The following CNTN5 variants were observed in gnomAD, a reference collection of about 807,000 sequenced individuals.
The protein encoded by CNTN5 is contactin-5.
CNTN5 carries 77 observed loss-of-function variants against 129.1 expected under a neutral mutation model. That is an observed-to-expected ratio of 0.60 (90% CI 0.50 to 0.72). CNTN5 has a LOEUF of 0.72. Among genes scored for constraint, CNTN5 ranks in the 30% least tolerant of loss-of-function variants. The pLI is 0.00. For missense variants in CNTN5, 1,478 were observed against 1,328.8 expected, an observed-to-expected ratio of 1.11 and a Z score of -1.75; for synonymous variants, 509 against 465.6, an observed-to-expected ratio of 1.09 and a Z score of -1.20.
At chr11:99,280,725 A>G (rs916628946) in intron 1 of CNTN5, among the ~76,000 whole-genome samples, 4 of 151,872 alleles carry the variant, frequency 2.6e-5, no homozygotes, top group African/African-American at 7.2e-5. Flanking sequence ...GACTTTTCAT[A>G]TATATGAACC....
intron 2 of CNTN5, among the ~76,000 whole-genome samples, chr11:99,539,545 T>C (rs1948021497): frequency 6.6e-6 from 1 of 152,080 alleles, no homozygotes; most frequent in East Asian, 1.9e-4. Flanking sequence ...TTTTCATTTA[T>C]TTCATGTAAG....
chr11:100,087,647 A>G (rs1464821507), intron 13 of CNTN5, among the ~76,000 whole-genome samples: 1 of 152,002 alleles, frequency 6.6e-6, no homozygotes, highest in Admixed American at 6.6e-5. Context: ...ATACTTCTAG[A>G]CCTGCAAAAA....
chr11:99,228,818 CTCTT>C (rs910458640), intron 1 of CNTN5, among the ~76,000 whole-genome samples: 46 of 152,032 alleles, frequency 3.0e-4, no homozygotes, highest in African/African-American at 7.0e-4. Flanking sequence ...TATACATTAA[CTCTT>C]TCTCACATTT....
At chr11:99,233,215 A>T (rs1014073611) in intron 1 of CNTN5, among the ~76,000 whole-genome samples, 13 of 152,180 alleles carry the variant, frequency 8.5e-5, no homozygotes, top group African/African-American at 3.1e-4. Context: ...AGACTTCTCA[A>T]ACCCAGATAA....
intron 3 of CNTN5, among the ~76,000 whole-genome samples, chr11:99,658,087 C>G (rs1454534732): frequency 6.6e-6 from 1 of 152,036 alleles, no homozygotes; most frequent in Non-Finnish European, 1.5e-5. Flanking sequence ...TAGGATGTAG[C>G]TGTGAACAAA....
chr11:99,087,294 G>A (rs1866042913), intron 1 of CNTN5, among the ~76,000 whole-genome samples: 1 of 152,026 alleles, frequency 6.6e-6, no homozygotes, highest in Non-Finnish European at 1.5e-5. Context: ...TTCAACCTCA[G>A]GTAGCACATG....
chr11:99,223,661 C>G (rs931145536), intron 1 of CNTN5, among the ~76,000 whole-genome samples: 2 of 152,154 alleles, frequency 1.3e-5, no homozygotes, highest in East Asian at 1.9e-4. Flanking sequence ...TTGAGAGGCT[C>G]TAATTACATA....
chr11:99,751,063 G>A (rs1794436034), intron 3 of CNTN5, among the ~76,000 whole-genome samples: 1 of 152,210 alleles, frequency 6.6e-6, no homozygotes, highest in Non-Finnish European at 1.5e-5. Flanking sequence ...ACTTAAGGGT[G>A]CAGTGGCTCA....
At chr11:100,336,790 T>C (rs1257656008) in intron 21 of CNTN5, 1 of 341,296 alleles carries the variant, frequency 2.9e-6, no homozygotes, top group African/African-American at 2.1e-5. Flanking sequence ...CTCCGGATTC[T>C]GAGGTGTTCT....
chr11:99,771,046 A>G (rs1944928214), intron 3 of CNTN5, among the ~76,000 whole-genome samples: 1 of 152,130 alleles, frequency 6.6e-6, no homozygotes, highest in South Asian at 2.1e-4. Flanking sequence ...GAATGGAGAA[A>G]GGATAAACTC....
intron 13 of CNTN5, among the ~76,000 whole-genome samples, chr11:100,162,378 T>C (rs1947485649): frequency 6.6e-6 from 1 of 151,948 alleles, no homozygotes; most frequent in African/African-American, 2.4e-5. Flanking sequence ...CAATGTTTTG[T>C]TAGCCTAATA....
intron 9 of CNTN5, among the ~76,000 whole-genome samples, chr11:100,008,388 C>T (rs920911438): frequency 1.1e-4 from 16 of 151,984 alleles, no homozygotes; most frequent in African/African-American, 3.9e-4. Flanking sequence ...AAAAATAATT[C>T]ACTTATTAAT....
Position 99,889,241 on chromosome 11 carries a change from A to G in CNTN5, c.578-26813A>G, listed in dbSNP as rs1029047290. Among the ~76,000 whole-genome samples the G allele has an allele frequency of 3.3e-5, 5 of 151,422 alleles. No individual in the cohort carries two copies. In the East Asian group the frequency reaches 7.8e-4, roughly 24 times the overall value. ...CATTTCCTAAAATAAGAAAGACTGGATGTTGTCAGCATGGGCTTATGTCAC... is the reference window on the plus strand; with the variant it reads ...CATTTCCTAAAATAAGAAAGACTGGGTGTTGTCAGCATGGGCTTATGTCAC... On this transcript the variant is annotated intron_variant, in intron 6 of 24. Coordinates refer to ENST00000524871, the MANE Select transcript of CNTN5 (RefSeq NM_014361.4).
intron 8 of CNTN5, among the ~76,000 whole-genome samples, chr11:99,990,403 A>T (rs12272359): frequency 0.37 from 56,010 of 150,640 alleles, 11,664 homozygotes; most frequent in African/African-American, 0.57. Flanking sequence ...CCAAAAAAAA[A>T]TATTTTTAGA....
At chr11:99,122,029 A>G (rs1858365524) in intron 1 of CNTN5, among the ~76,000 whole-genome samples, 1 of 152,064 alleles carries the variant, frequency 6.6e-6, no homozygotes, top group Admixed American at 6.6e-5. Context: ...ATGTATGTAC[A>G]ACATGCAGGT....
chr11:99,930,070 G>C (rs1950156255), intron 7 of CNTN5, among the ~76,000 whole-genome samples: 1 of 152,102 alleles, frequency 6.6e-6, no homozygotes, highest in Non-Finnish European at 1.5e-5. Flanking sequence ...CTGTTGGGCA[G>C]GATGTTGGCT....
intron 1 of CNTN5, among the ~76,000 whole-genome samples, chr11:99,217,202 A>G (rs971747546): frequency 6.6e-6 from 1 of 152,154 alleles, no homozygotes; most frequent in Admixed American, 6.6e-5. Context: ...AAATAATCAA[A>G]GTATATAAGG....
intron 1 of CNTN5, among the ~76,000 whole-genome samples, chr11:99,316,487 C>T (rs1395493109): frequency 6.6e-6 from 1 of 151,930 alleles, no homozygotes; most frequent in Non-Finnish European, 1.5e-5. Context: ...GTAATGATCG[C>T]TGAGACTCAT....
chr11:100,247,168 T>C (rs1949857859), intron 16 of CNTN5, among the ~76,000 whole-genome samples: 1 of 152,066 alleles, frequency 6.6e-6, no homozygotes, highest in East Asian at 1.9e-4. Context: ...GAAGCCTAAA[T>C]AGGTGTTAAA....
Sources: gnomAD v4.1 joint callset for allele counts (sites outside exome capture counted in the v4.1 genomes callset) on GRCh38, gnomAD v4.1.1 for gene constraint, MANE v1.5 for transcripts, NCBI Gene and HGNC (gene_info 2026-07-23, HGNC 2026-07-21) for gene names.